CNTLN: variants seen among roughly 807,000 people sequenced by gnomAD.
CNTLN encodes the protein centlein, centrosomal protein.
In CNTLN, 212 loss-of-function variants were observed where a neutral mutation model predicts 180.0. That is an observed-to-expected ratio of 1.18 (90% confidence interval 1.05 to 1.32). The LOEUF is 1.32. Ranked by LOEUF, CNTLN falls within the 40% of genes most tolerant of loss-of-function variation. The pLI is 0.00. For synonymous variants in CNTLN, 722 were observed against 563.1 expected, an observed-to-expected ratio of 1.28 and a Z score of -3.99; for missense variants, 2,095 against 1,610.9, an observed-to-expected ratio of 1.30 and a Z score of -5.14.
chr9:17,464,052 A>G (rs1465623603), intron 20 of CNTLN, among the ~76,000 whole-genome samples: 2 of 151,472 alleles, frequency 1.3e-5, no homozygotes, highest in Non-Finnish European at 3.0e-5. Context: ...ATTATATTAA[A>G]TTAGAAGATA....
intron 6 of CNTLN, among the ~76,000 whole-genome samples, chr9:17,274,504 TGTA>T (rs770304644): frequency 0.032 from 4,455 of 139,320 alleles, 81 homozygotes; most frequent in South Asian, 0.09. Context: ...TATCTATCTA[TGTA>T]TCTTTCTATC....
intron 13 of CNTLN, 44 bp downstream of exon 13, chr9:17,366,761 TTG>T (rs1156501624): frequency 9.4e-7 from 1 of 1,065,084 alleles, no homozygotes; most frequent in African/African-American, 1.6e-5. Context: ...AATTTTAAAA[TTG>T]TGTAATTCTT....
the CNTLN span, among the ~76,000 whole-genome samples, chr9:17,520,957 C>A: frequency 6.6e-6 from 1 of 152,106 alleles, no homozygotes; most frequent in East Asian, 1.9e-4. Flanking sequence ...GGTTCTGAAA[C>A]GTAATTCAGG....
chr9:17,150,645 T>C (rs1402017888), intron 2 of CNTLN, among the ~76,000 whole-genome samples: 2 of 152,192 alleles, frequency 1.3e-5, no homozygotes, highest in South Asian at 2.1e-4. Context: ...TCTTTTTTGG[T>C]TCCATATGAA....
chr9:17,410,607 C>T (rs570706332), intron 16 of CNTLN, among the ~76,000 whole-genome samples: 1 of 152,184 alleles, frequency 6.6e-6, no homozygotes, highest in Admixed American at 6.5e-5. Context: ...TAATGCATTG[C>T]TTACTGCAAT....
At chr9:17,442,799 T>A (rs892734719) in intron 18 of CNTLN, among the ~76,000 whole-genome samples, 1 of 152,122 alleles carries the variant, frequency 6.6e-6, no homozygotes, top group Admixed American at 6.5e-5. Context: ...ATACCTGAAT[T>A]TATGGGCTGC....
chr9:17,467,638 G>A (rs147205280), intron 23 of CNTLN, among the ~76,000 whole-genome samples: 112 of 151,684 alleles, frequency 7.4e-4, no homozygotes, highest in Non-Finnish European at 1.3e-3. Context: ...TGCCTCTGAG[G>A]ATCCTAAATG....
At chr9:17,411,766 G>A (rs994381354) in intron 16 of CNTLN, among the ~76,000 whole-genome samples, 5 of 152,002 alleles carry the variant, frequency 3.3e-5, no homozygotes, top group South Asian at 2.1e-4. Flanking sequence ...GTTTCATCCC[G>A]AAACCATCTC....
intron 15 of CNTLN, among the ~76,000 whole-genome samples, chr9:17,408,745 G>A (rs1465798806): frequency 1.3e-5 from 2 of 151,034 alleles, no homozygotes. Flanking sequence ...AGGTTGCCAT[G>A]AGCCAAGATC....
intron 8 of CNTLN, among the ~76,000 whole-genome samples, chr9:17,310,811 AC>A (rs1819079559): frequency 6.6e-6 from 1 of 152,026 alleles, no homozygotes. Context: ...TGTGCATATC[AC>A]TGACTAGCCA....
chr9:17,149,496 T>A (rs1818695053), intron 2 of CNTLN, among the ~76,000 whole-genome samples: 1 of 151,160 alleles, frequency 6.6e-6, no homozygotes, highest in Non-Finnish European at 1.5e-5. Flanking sequence ...CCTGACTTTT[T>A]TTATTTTCTT....
chr9:17,246,729 A>G (rs183807306), intron 5 of CNTLN, among the ~76,000 whole-genome samples: 13 of 152,264 alleles, frequency 8.5e-5, no homozygotes, highest in African/African-American at 2.4e-4. Flanking sequence ...CTATTCCATT[A>G]TGGTTGAGCT....
intron 5 of CNTLN, among the ~76,000 whole-genome samples, chr9:17,264,813 G>T (rs1322694261): frequency 1.3e-5 from 2 of 151,902 alleles, no homozygotes; most frequent in African/African-American, 4.8e-5. Context: ...TTGTGAATGT[G>T]AGTTCACTCA....
At chr9:17,491,070 T>C (rs560682911) in intron 25 of CNTLN, among the ~76,000 whole-genome samples, 1 of 152,198 alleles carries the variant, frequency 6.6e-6, no homozygotes, top group Admixed American at 6.6e-5. Flanking sequence ...AGACAGTGTT[T>C]ATCTGTTCTG....
At position 17,390,235 on chromosome 9, in the gene CNTLN, CTTTT is replaced by C. The variant is rs35329298; in HGVS notation, c.2079+2000_2079+2003del. ...TGTATTTCAGTTTTGAAAAGAGCCT[CTTTT>C]TTTTTTTTTTTTTTTTTGGAGACAG... On this transcript the variant is annotated intron_variant, in intron 14 of 25. Transcript: ENST00000380647. Among the ~76,000 whole-genome samples, 8 of 77,408 alleles carry C rather than the reference CTTTT, an allele frequency of 1.0e-4. No individual in the cohort carries two copies. In the East Asian group the frequency reaches 2.0e-3, roughly 20 times the overall value. The allele number at this position is 77,408 out of a possible 152,430, so 50.8% of individuals were successfully genotyped here.
chr9:17,323,397 C>A (rs1820053684), intron 8 of CNTLN, among the ~76,000 whole-genome samples: 2 of 152,122 alleles, frequency 1.3e-5, no homozygotes, highest in South Asian at 4.1e-4. Context: ...AGAACATTAG[C>A]CATGGCACTC....
intron 18 of CNTLN, among the ~76,000 whole-genome samples, chr9:17,451,769 T>C (rs758593599): frequency 6.6e-6 from 1 of 152,200 alleles, no homozygotes; most frequent in East Asian, 1.9e-4. Context: ...TAGAATTTTG[T>C]GTCTTTATGT....
intron 2 of CNTLN, among the ~76,000 whole-genome samples, chr9:17,219,472 A>C (rs1823988689): frequency 6.6e-6 from 1 of 152,114 alleles, no homozygotes; most frequent in African/African-American, 2.4e-5. Context: ...GAGCTGCTAG[A>C]CAAATTGCCA....
chr9:17,276,101 A>G (rs138037141), intron 6 of CNTLN, among the ~76,000 whole-genome samples: 2 of 152,248 alleles, frequency 1.3e-5, no homozygotes, highest in African/African-American at 2.4e-5. Context: ...GCCAGGTAAT[A>G]GTACTACACA....
Sources: allele counts gnomAD v4.1 joint callset (sites outside exome capture counted in the v4.1 genomes callset), GRCh38; gene constraint gnomAD v4.1.1; transcripts MANE v1.5; gene names NCBI Gene and HGNC (gene_info 2026-07-23, HGNC 2026-07-21).